TNIK: variants seen among roughly 807,000 people sequenced by gnomAD.
The protein encoded by TNIK is TRAF2 and NCK-interacting protein kinase.
A neutral mutation model predicts 191.3 loss-of-function variants in TNIK; 49 were observed. That is an observed-to-expected ratio of 0.26 (90% CI 0.20 to 0.32). The LOEUF is 0.32. Ranked by LOEUF, TNIK falls within the 10% of genes least tolerant of loss-of-function variation. TNIK has a pLI of 1.00. For missense variants in TNIK, 1,155 were observed against 1,702.3 expected, an observed-to-expected ratio of 0.68 and a Z score of 5.66; for synonymous variants, 594 against 600.9, an observed-to-expected ratio of 0.99 and a Z score of 0.17.
intron 20 of TNIK, 129 bp downstream of exon 20, chr3:171,107,936 G>A: frequency 1.2e-6 from 1 of 855,784 alleles, no homozygotes; most frequent in Non-Finnish European, 1.7e-6. Flanking sequence ...TCTTCGGGAT[G>A]TTTCTAGCAT....
chr3:171,064,328 A>T (rs1309417736), intron 32 of TNIK, among the ~76,000 whole-genome samples: 1 of 152,202 alleles, frequency 6.6e-6, no homozygotes, highest in Non-Finnish European at 1.5e-5. Context: ...CTAGAAAGGC[A>T]CAGAAGCTTC....
chr3:171,449,237 G>T (rs1274998331), intron 1 of TNIK, among the ~76,000 whole-genome samples: 1 of 152,026 alleles, frequency 6.6e-6, no homozygotes, highest in Non-Finnish European at 1.5e-5. Flanking sequence ...CTTTACAGTA[G>T]AATGAATTAT....
At chr3:171,227,359 G>T (rs1428191249) in intron 3 of TNIK, among the ~76,000 whole-genome samples, 2 of 151,938 alleles carry the variant, frequency 1.3e-5, no homozygotes, top group Non-Finnish European at 2.9e-5. Flanking sequence ...ATTTTGTTTT[G>T]GGAAATATTC....
intron 21 of TNIK, among the ~76,000 whole-genome samples, chr3:171,102,378 GATA>G (rs1020145790): frequency 2.6e-5 from 4 of 152,212 alleles, no homozygotes; most frequent in Non-Finnish European, 5.9e-5. Context: ...AAAAGGAAGA[GATA>G]ATTTTGAGTT....
At chr3:171,374,245 G>A (rs1716920537) in intron 1 of TNIK, among the ~76,000 whole-genome samples, 1 of 152,158 alleles carries the variant, frequency 6.6e-6, no homozygotes, top group South Asian at 2.1e-4. Context: ...AATCCCAAAT[G>A]GACAAAACTG....
chr3:171,308,989 T>A, intron 2 of TNIK, among the ~76,000 whole-genome samples: 1 of 152,144 alleles, frequency 6.6e-6, no homozygotes, highest in Non-Finnish European at 1.5e-5. Flanking sequence ...AGCAGTTCGG[T>A]GATTTCTCAA....
chr3:171,104,077 GGAAATTTTCAA>G (rs1724183028), intron 21 of TNIK, among the ~76,000 whole-genome samples: 1 of 151,678 alleles, frequency 6.6e-6, no homozygotes, highest in African/African-American at 2.4e-5. Context: ...TAAACTTAAA[GGAAATTTTCAA>G]TTAACAGTTT....
intron 2 of TNIK, among the ~76,000 whole-genome samples, chr3:171,270,379 C>T (rs1560349911): frequency 6.6e-6 from 1 of 152,174 alleles, no homozygotes; most frequent in Non-Finnish European, 1.5e-5. Flanking sequence ...AGCTACTTCC[C>T]TGTTCATACA....
At chr3:171,358,417 T>A (rs898648203) in intron 2 of TNIK, among the ~76,000 whole-genome samples, 12 of 152,092 alleles carry the variant, frequency 7.9e-5, no homozygotes. Flanking sequence ...CTCCCCTTTA[T>A]AAAACCATCA....
intron 3 of TNIK, among the ~76,000 whole-genome samples, chr3:171,216,103 T>C (rs180712621): frequency 6.6e-6 from 1 of 152,312 alleles, no homozygotes; most frequent in Non-Finnish European, 1.5e-5. Context: ...CAGCATTGAC[T>C]GAATGTGGCA....
At chr3:171,154,806 G>T (rs114878149) in intron 12 of TNIK, among the ~76,000 whole-genome samples, 2 of 152,320 alleles carry the variant, frequency 1.3e-5, no homozygotes, top group African/African-American at 4.8e-5. Flanking sequence ...CTGGAACTTT[G>T]TTATAGGTTG....
At chr3:171,219,048 A>T (rs1381101230) in intron 3 of TNIK, among the ~76,000 whole-genome samples, 1 of 127,376 alleles carries the variant, frequency 7.9e-6, no homozygotes, top group Non-Finnish European at 1.6e-5. Flanking sequence ...ATTAAATTAT[A>T]TTTAATATAA....
At chr3:171,221,258 CA>C (rs1427112561) in intron 3 of TNIK, among the ~76,000 whole-genome samples, 2 of 152,176 alleles carry the variant, frequency 1.3e-5, no homozygotes, top group African/African-American at 4.8e-5. Flanking sequence ...TAAATGGCTC[CA>C]AAGTAAAAGT....
intron 1 of TNIK, among the ~76,000 whole-genome samples, chr3:171,410,551 G>A (rs1035981487): frequency 4.2e-4 from 64 of 152,004 alleles, no homozygotes; most frequent in Non-Finnish European, 1.3e-4. Flanking sequence ...AGGCGGAGGC[G>A]GGCGGATCAC....
intron 2 of TNIK, among the ~76,000 whole-genome samples, chr3:171,345,604 C>A (rs975643265): frequency 9.9e-5 from 15 of 152,198 alleles, no homozygotes; most frequent in Admixed American, 5.9e-4. Context: ...TCGACCTTCA[C>A]CCTCACCCTC....
intron 7 of TNIK, among the ~76,000 whole-genome samples, chr3:171,187,363 T>A (rs1737489684): frequency 6.6e-6 from 1 of 152,170 alleles, no homozygotes; most frequent in Admixed American, 6.5e-5. Context: ...TGTTGTCAGG[T>A]TATTACAGTG....
intron 24 of TNIK, among the ~76,000 whole-genome samples, chr3:171,085,857 A>G (rs1287998190): frequency 1.3e-5 from 2 of 152,234 alleles, no homozygotes; most frequent in African/African-American, 4.8e-5. Context: ...TAGGGACTTC[A>G]TGAGGATATT....
At chr3:171,258,676 G>C (rs903863794) in intron 2 of TNIK, among the ~76,000 whole-genome samples, 1 of 152,090 alleles carries the variant, frequency 6.6e-6, no homozygotes, top group African/African-American at 2.4e-5. Context: ...TTAGGACTTC[G>C]CTCCATTTCT....
At chr3:171,384,564 G>A (rs917251368) in intron 1 of TNIK, among the ~76,000 whole-genome samples, 1 of 152,174 alleles carries the variant, frequency 6.6e-6, no homozygotes, top group Non-Finnish European at 1.5e-5. Context: ...AGAATGAGGG[G>A]AAACATAGAA....
Sources: allele counts gnomAD v4.1 joint callset (sites outside exome capture counted in the v4.1 genomes callset), GRCh38; gene constraint gnomAD v4.1.1; transcripts MANE v1.5; gene names NCBI Gene and HGNC (gene_info 2026-07-23, HGNC 2026-07-21).